BACH1: variants seen among roughly 807,000 people sequenced by gnomAD.
BACH1 encodes the protein transcription regulator protein BACH1.
Under a neutral mutation model 52.9 loss-of-function variants are expected in BACH1, and 35 were observed. The ratio of observed to expected loss-of-function variants is 0.66; its 90% CI spans 0.51 to 0.88. The LOEUF (loss-of-function observed/expected upper bound fraction) is 0.88, where lower values mean the gene tolerates loss of function less well. BACH1 is among the 40% of genes least tolerant of loss of function. The probability of loss-of-function intolerance (pLI) is 0.00; values close to 1 mark genes in which losing one functional copy is unlikely to be tolerated. For synonymous variants in BACH1, 321 were observed against 319.6 expected (o/e 1.00, Z -0.05); for missense variants, 808 against 872.6 (o/e 0.93, Z 0.93).
At chr21:29,304,344 C>T (rs1442958749) in intron 1 of BACH1, among the ~76,000 whole-genome samples, 3 of 152,064 alleles carry the variant, frequency 2.0e-5, no homozygotes, top group African/African-American at 7.2e-5. Flanking sequence ...AGGCTGGTCT[C>T]GAACTCCTGA....
At chr21:29,360,897 A>G (rs534789264) in intron 2 of BACH1, 1 of 151,280 alleles carries the variant, frequency 6.6e-6, no homozygotes, top group Non-Finnish European at 1.5e-5. Context: ...CCTTCCTACC[A>G]TTCTACCTCC....
chr21:29,328,224 T>A (rs1464255868), intron 3 of BACH1, among the ~76,000 whole-genome samples: 1 of 152,218 alleles, frequency 6.6e-6, no homozygotes, highest in Non-Finnish European at 1.5e-5. Context: ...CAACTATTGA[T>A]GAATGTCTTA....
At position 29,346,050 on chromosome 21, in the gene BACH1, C is replaced by T. The variant is rs1463676323; in HGVS notation, c.*3217C>T. 6.6e-6 allele frequency: 1 copy of T among 152,408 alleles called. No individual in the cohort carries two copies. Among genetic ancestry groups the T allele is most frequent in the Non-Finnish European group, 1.5e-5 (1 of 68,002 alleles). 9.4% of individuals were successfully genotyped at this position (152,408 alleles called of 1,614,324 possible). On this transcript the variant is annotated 3_prime_UTR_variant, in exon 5 of 5. Coordinates refer to ENST00000286800, the MANE Select transcript of BACH1 (RefSeq NM_001186.4). Reference sequence around the variant, plus strand: ...TCATAGTATTTAATTTACATTTCTCCCTAATGTTCTTACCCAAATGTACCT... The same window carrying T: ...TCATAGTATTTAATTTACATTTCTCTCTAATGTTCTTACCCAAATGTACCT...
intron 1 of BACH1, among the ~76,000 whole-genome samples, chr21:29,303,391 C>T (rs565923040): frequency 6.6e-6 from 1 of 152,268 alleles, no homozygotes; most frequent in South Asian, 2.1e-4. Flanking sequence ...CTGAATGTGC[C>T]TTGGCTGTGT....
At chr21:29,316,982 G>C (rs1046989005) in intron 1 of BACH1, among the ~76,000 whole-genome samples, 4 of 152,186 alleles carry the variant, frequency 2.6e-5, no homozygotes, top group Non-Finnish European at 4.4e-5. Flanking sequence ...ATCTAGATTG[G>C]GGTCCCCAAC....
At chr21:29,300,461 A>G (rs1410014395) in intron 1 of BACH1, among the ~76,000 whole-genome samples, 1 of 152,114 alleles carries the variant, frequency 6.6e-6, no homozygotes, top group Non-Finnish European at 1.5e-5. Flanking sequence ...GGTTGTTTTG[A>G]TACAGGTTAT....
At chr21:29,351,616 T>A (rs2089202639) in intron 2 of BACH1, 1 of 534,620 alleles carries the variant, frequency 1.9e-6, no homozygotes, top group Admixed American at 1.9e-5. Flanking sequence ...ATCTGATATT[T>A]GAGGGGTTCT....
At chr21:29,306,208 G>C (rs925068083) in intron 1 of BACH1, among the ~76,000 whole-genome samples, 1 of 141,162 alleles carries the variant, frequency 7.1e-6, no homozygotes, top group African/African-American at 2.8e-5. Context: ...GTGTGTGTGT[G>C]TGTATTTAAA....
chr21:29,358,770 A>AGAAAG (rs1555888603), intron 2 of BACH1, among the ~76,000 whole-genome samples: 2 of 108,890 alleles, frequency 1.8e-5, no homozygotes, highest in South Asian at 6.3e-4. Flanking sequence ...AAAAGAAAAG[A>AGAAAG]AAAGAAAGAA....
At chr21:29,325,247 A>G (rs1160728534) in intron 2 of BACH1, among the ~76,000 whole-genome samples, 1 of 152,116 alleles carries the variant, frequency 6.6e-6, no homozygotes, top group Non-Finnish European at 1.5e-5. Context: ...AAAAAATCAC[A>G]AATATTAATA....
At chr21:29,356,001 C>T (rs994197551) in intron 2 of BACH1, among the ~76,000 whole-genome samples, 3 of 152,222 alleles carry the variant, frequency 2.0e-5, no homozygotes, top group African/African-American at 7.2e-5. Flanking sequence ...TTTGGAGAGT[C>T]ACTGCTGCCA....
chr21:29,358,755 AAAAGAAAAGAAAAGAAAAGAAAGAAAG>A (rs1233958136), intron 2 of BACH1, among the ~76,000 whole-genome samples: 17 of 110,390 alleles, frequency 1.5e-4, no homozygotes, highest in African/African-American at 6.1e-4. Context: ...AAAAGAAAAG[AAAAGAAAAGAAAAGAAAAGAAAGAAAG>A]AAAGAAAGAA....
At position 29,344,291 on chromosome 21, in the gene BACH1, G is replaced by A. The variant is rs747298083; in HGVS notation, c.*1458G>A. The A allele has an allele frequency of 6.6e-6, 1 of 152,622 alleles. No individual in the cohort carries two copies. The highest frequency in any genetic ancestry group is 1.5e-5 in the Non-Finnish European group (1 of 68,038). The allele number at this position is 152,622 out of a possible 1,614,324, so 9.5% of individuals were successfully genotyped here. ...GAGGGCTGAAAGAGACACTTCTATA[G>A]ACTGCATCCTGAGCCTAGTGCAGGG... On this transcript the variant is annotated 3_prime_UTR_variant, in exon 5 of 5. Transcript: ENST00000286800.
chr21:29,326,705 A>T lies in BACH1; in HGVS notation c.881A>T (p.Asp294Val), dbSNP rs762633394. ...LAMEPEETKKDPASQCPTEKS... is the reference protein window; with the variant it reads ...LAMEPEETKKVPASQCPTEKS... The stretch of plus-strand genomic sequence containing the variant: ...ATGGAACCTGAAGAAACGAAGAAAG[A>T]TCCTGCTTCTCAGTGCCCAACTGAA... Residue 294 changes from aspartate (D) to valine (V), a missense_variant, in exon 3 of 5, where the codon GAT becomes GTT. Physicochemically the swap from Asp to Val is radical, Grantham distance 152. Transcript: ENST00000286800. 8.7e-6 allele frequency: 14 copies of T among 1,614,058 alleles called. No homozygotes were observed. In the East Asian group the frequency reaches 3.1e-4, roughly 36 times the overall value.
intron 2 of BACH1, among the ~76,000 whole-genome samples, chr21:29,358,814 G>GAAAGAAAGAAAGAAAGAA (rs1555888598): frequency 1.8e-5 from 2 of 108,202 alleles, no homozygotes; most frequent in African/African-American, 6.1e-5. Context: ...AAGAAAGAAA[G>GAAAGAAAGAAAGAAAGAA]AAGAAAGAAA....
Position 29,327,331 on chromosome 21 carries a change from G to A in BACH1, c.1507G>A (p.Asp503Asn). The A allele has an allele frequency of 5.6e-6, 9 of 1,614,156 alleles. No individual in the cohort carries two copies. Among genetic ancestry groups the A allele is most frequent in the Non-Finnish European group, 7.6e-6 (9 of 1,180,036 alleles). Residue 503 changes from aspartate to asparagine, a missense_variant, in exon 3 of 5, where the codon GAC becomes AAC. By Grantham distance (23) the Asp-to-Asn change is conservative. Transcript: ENST00000286800. ...PYACVISLGDDSETDTEGDSE... is the reference protein window; with the variant it reads ...PYACVISLGDNSETDTEGDSE... ...TGCTTGTGTCATTAGCTTGGGAGACGACTCTGAGACGGACACCGAAGGAGA... is the reference window on the plus strand; with the variant it reads ...TGCTTGTGTCATTAGCTTGGGAGACAACTCTGAGACGGACACCGAAGGAGA...
At chr21:29,347,816 T>C (rs1439801540), downstream of BACH1, among the ~76,000 whole-genome samples, 1 of 152,194 alleles carries the variant, frequency 6.6e-6, no homozygotes, top group Non-Finnish European at 1.5e-5. Flanking sequence ...CTCTCCTACC[T>C]CATCGTCCCG....
chr21:29,323,450 G>A (rs951196329), intron 2 of BACH1, among the ~76,000 whole-genome samples: 1 of 152,208 alleles, frequency 6.6e-6, no homozygotes, highest in Non-Finnish European at 1.5e-5. Context: ...AGAACCTGGC[G>A]TCTGATGTCA....
rs867579600 is a variant in BACH1, at chr21:29,320,918, C to A, written c.-60-303C>A. Among the ~76,000 whole-genome samples, 3 of 152,140 alleles carry A rather than the reference C, an allele frequency of 2.0e-5. No individual in the cohort carries two copies. The South Asian group carries it at 6.2e-4, about 32-fold the overall frequency. ...GGGATGCCACCAGAAATTCCCTGCTCCCATCTGTTTGCTCAGAGTAGGTGG... is the reference window on the plus strand; with the variant it reads ...GGGATGCCACCAGAAATTCCCTGCTACCATCTGTTTGCTCAGAGTAGGTGG... On this transcript the variant is annotated intron_variant, in intron 1 of 4. Coordinates refer to ENST00000286800, the MANE Select transcript of BACH1 (RefSeq NM_001186.4).
Sources: allele counts gnomAD v4.1 joint callset (sites outside exome capture counted in the v4.1 genomes callset), GRCh38; gene constraint gnomAD v4.1.1; transcripts MANE v1.5; gene names NCBI Gene and HGNC (gene_info 2026-07-23, HGNC 2026-07-21).